CNOT1: variants seen among roughly 807,000 people sequenced by gnomAD.
CNOT1 encodes CCR4-associated factor 1.
A neutral mutation model predicts 273.8 loss-of-function variants in CNOT1; 15 were observed. That is an observed-to-expected ratio of 0.05 (90% CI 0.04 to 0.08). The LOEUF (loss-of-function observed/expected upper bound fraction) is 0.08, where lower values mean the gene tolerates loss of function less well. CNOT1 is among the 10% of genes least tolerant of loss of function. CNOT1 has a pLI of 1.00. For missense variants in CNOT1, 1,644 were observed against 2,912.2 expected, an observed-to-expected ratio of 0.56 and a Z score of 10.02; for synonymous variants, 1,022 against 1,005.5, an observed-to-expected ratio of 1.02 and a Z score of -0.31.
intron 1 of CNOT1, among the ~76,000 whole-genome samples, chr16:58,622,646 A>C (rs545992902): frequency 6.6e-6 from 1 of 152,106 alleles, no homozygotes; most frequent in South Asian, 2.1e-4. Context: ...CAGGAGTTTG[A>C]GACCAGCCTG....
rs1309967938 is a variant in CNOT1 at position 58,520,906 on chromosome 16, T to TA, written c.*51_*52insT. 3.8e-5 allele frequency: 60 copies of TA among 1,559,666 alleles called. No individual in the cohort carries two copies. The highest frequency in any genetic ancestry group is 5.0e-5 in the Admixed American group (3 of 59,938). On this transcript the variant is annotated 3_prime_UTR_variant, in exon 49 of 49. Coordinates refer to ENST00000317147, the MANE Select transcript of CNOT1 (RefSeq NM_016284.5). ...AGGATTCTTCAGTCAGTTTATGAACTCGGTGCAGTGAGACCTCTAGACTGA... is the reference window on the plus strand; with the variant it reads ...AGGATTCTTCAGTCAGTTTATGAACTACGGTGCAGTGAGACCTCTAGACTGA...
chr16:58,532,040 G>A lies in CNOT1; in HGVS notation c.6095C>T (p.Pro2032Leu). 6.2e-7 allele frequency: 1 copy of A among 1,614,168 alleles called. No individual in the cohort carries two copies. The highest frequency in any genetic ancestry group is 8.5e-7 in the Non-Finnish European group (1 of 1,180,048). ...TTCAAGCCAGGCATATACAAAGCCA[G>A]GAGCTTTGGTAGGCCTCAAGATGTG... The part of the protein sequence containing the change: ...TFHILRPTKA[P>L]GFVYAWLELI... Residue 2032 changes from proline to leucine, a missense_variant, in exon 42 of 49, where the codon CCT becomes CTT. By Grantham distance (98) the Pro-to-Leu change is moderately conservative (BLOSUM62 -3). Around this residue, in one of 13 missense-constraint regions of CNOT1, gnomAD observed 133 missense variants for 328.2 expected, o/e 0.41. Transcript: ENST00000317147.
intron 33 of CNOT1, 149 bp downstream of exon 33, chr16:58,542,082 G>C (rs2040111380): frequency 4.1e-6 from 4 of 971,586 alleles, no homozygotes; most frequent in East Asian, 5.3e-5. Context: ...TCCACAGGCA[G>C]CCATTCAGTG....
intron 1 of CNOT1, among the ~76,000 whole-genome samples, chr16:58,610,520 A>G (rs1418792661): frequency 1.3e-5 from 2 of 152,126 alleles, no homozygotes; most frequent in Admixed American, 6.6e-5. Flanking sequence ...CCTCACTAAC[A>G]TGGTGAAATT....
Position 58,599,328 on chromosome 16 carries a change from CA to C in CNOT1, c.9del (p.Asp4ThrfsTer17). 1 of 1,614,136 alleles carries C rather than the reference CA, an allele frequency of 6.2e-7. No homozygotes were observed. Among genetic ancestry groups the C allele is most frequent in the Non-Finnish European group, 8.5e-7 (1 of 1,180,038 alleles). On this transcript the variant is annotated frameshift_variant, in exon 2 of 49. Coordinates refer to ENST00000317147, the MANE Select transcript of CNOT1 (RefSeq NM_016284.5). LOFTEE classifies it high-confidence loss of function. ...TGAGACAAGGCCAGCGAGAGCGAGT[CA>C]AGATTCATTGCTGGTTGGGGCGGAA... MN[L>X]DSLSLALSQI... is the part of the protein sequence containing the mutation.
chr16:58,575,272 G>T, intron 14 of CNOT1, 143 bp from the exon 15 acceptor site: 1 of 1,219,918 alleles, frequency 8.2e-7, no homozygotes. Flanking sequence ...AAACAGCTAA[G>T]CACAATTCAG....
chr16:58,531,814 G>A (rs968380110), intron 42 of CNOT1, 144 bp downstream of exon 42: 3 of 972,700 alleles, frequency 3.1e-6, no homozygotes, highest in South Asian at 1.7e-5. Context: ...TAATTGACTT[G>A]AGTGAACACT....
intron 39 of CNOT1, 36 bp downstream of exon 39, chr16:58,536,953 T>A: frequency 6.2e-7 from 1 of 1,608,922 alleles, no homozygotes; most frequent in Non-Finnish European, 8.5e-7. Flanking sequence ...CCTACTTATG[T>A]TGAATAAAAA....
At chr16:58,580,885 A>C in intron 11 of CNOT1, 125 bp from the exon 12 acceptor site, 1 of 969,816 alleles carries the variant, frequency 1.0e-6, no homozygotes, top group Non-Finnish European at 1.5e-6. Flanking sequence ...TTAAAATCTT[A>C]ATTATTTGCC....
chr16:58,536,912 A>C, intron 39 of CNOT1, 77 bp downstream of exon 39: 2 of 1,566,474 alleles, frequency 1.3e-6, no homozygotes, highest in Non-Finnish European at 1.7e-6. Context: ...CATGTACGCA[A>C]TACTGAGCTT....
intron 43 of CNOT1, among the ~76,000 whole-genome samples, chr16:58,529,751 G>T (rs1041069644): frequency 2.9e-5 from 4 of 140,150 alleles, no homozygotes; most frequent in African/African-American, 5.2e-5. Flanking sequence ...TGAGGCACAA[G>T]AATCACTTGA....
At chr16:58,524,854 T>TA (rs2039532406) in intron 46 of CNOT1, among the ~76,000 whole-genome samples, 1 of 152,198 alleles carries the variant, frequency 6.6e-6, no homozygotes, top group African/African-American at 2.4e-5. Context: ...AATGCTTATA[T>TA]AAGGCAGCCT....
chr16:58,559,089 G>GT (rs1567406462), intron 17 of CNOT1, among the ~76,000 whole-genome samples: 1 of 152,060 alleles, frequency 6.6e-6, no homozygotes, highest in Non-Finnish European at 1.5e-5. Context: ...ATTTTATACA[G>GT]TTTTTTTAAA....
At chr16:58,541,161 C>T (rs144809819) in intron 34 of CNOT1, among the ~76,000 whole-genome samples, 191 of 152,172 alleles carry the variant, frequency 1.3e-3, no homozygotes, top group Non-Finnish European at 2.0e-3. Context: ...GCTGAGATCG[C>T]GCCACTGCAC....
chr16:58,550,099 G>A (rs2040402236), intron 24 of CNOT1, among the ~76,000 whole-genome samples: 1 of 152,198 alleles, frequency 6.6e-6, no homozygotes, highest in East Asian at 1.9e-4. Flanking sequence ...ACCCATACGT[G>A]ATTGGGACTG....
rs1334904653 is a variant in CNOT1 at position 58,629,757 on chromosome 16, G to A, written c.-204C>T. 1.3e-5 allele frequency: 2 copies of A among 152,372 alleles called. No individual in the cohort carries two copies. The highest frequency in any genetic ancestry group is 2.4e-5 in the African/African-American group (1 of 41,460). 9.4% of individuals were successfully genotyped at this position (152,372 alleles called of 1,614,324 possible). On this transcript the variant is annotated 5_prime_UTR_variant, in exon 1 of 49. Transcript: ENST00000317147. ...GGCGGCTCCGGCAGCGCTGGACACA[G>A]GAAACTCCTGGGTCCCCGACTCCGG...
Position 58,578,959 on chromosome 16 carries a change from C to A in CNOT1, c.1344-20G>T, listed in dbSNP as rs962181875. The A allele has an allele frequency of 2.5e-6, 4 of 1,608,442 alleles. No individual in the cohort carries two copies. Among genetic ancestry groups the A allele is most frequent in the Non-Finnish European group, 3.4e-6 (4 of 1,176,048 alleles). On this transcript the variant is annotated intron_variant, in intron 12 of 48. Coordinates refer to ENST00000317147, the MANE Select transcript of CNOT1 (RefSeq NM_016284.5). ...CTCTTCCTAACGAGAAAGGAAGAAA[C>A]ATGCTTTATCAATGAAAATCCAAGT...
chr16:58,560,359 A>C lies in CNOT1; in HGVS notation c.1983T>G (p.Ser661Arg). 6.2e-7 allele frequency: 1 copy of C among 1,613,730 alleles called. No homozygotes were observed. The highest frequency in any genetic ancestry group is 8.5e-7 in the Non-Finnish European group (1 of 1,179,894). ...TAGTTTCTGATAGCTCCTGAGAAAC[A>C]CTCCTAAAATAGAGGGGAAAAGGTA... ...MLACLQACAGSVSQELSETIL... is the reference protein window; with the variant it reads ...MLACLQACAGRVSQELSETIL... The change falls in exon 17 of 49, where the codon AGT becomes AGG. Residue 661 changes from serine (S) to arginine (R), a missense_variant. Physicochemically the swap from Ser to Arg is moderately radical, Grantham distance 110. Transcript: ENST00000317147.
At chr16:58,523,767 G>A (rs1279655195) in intron 46 of CNOT1, 1 of 294,082 alleles carries the variant, frequency 3.4e-6, no homozygotes, top group African/African-American at 2.1e-5. Flanking sequence ...CTATTTTCTG[G>A]TGACACTCAT....
Sources: gnomAD v4.1 joint callset for allele counts (sites outside exome capture counted in the v4.1 genomes callset) on GRCh38, gnomAD v4.1.1 for gene constraint, gnomAD v4.1.1 regional missense constraint, MANE v1.5 for transcripts, NCBI Gene and HGNC (gene_info 2026-07-23, HGNC 2026-07-21) for gene names.